WHAMM: variants seen among roughly 807,000 people sequenced by gnomAD.
WHAMM encodes WASP homolog associated with actin, golgi membranes and microtubules.
Under a neutral mutation model 76.5 loss-of-function variants are expected in WHAMM, and 67 were observed. That is an observed-to-expected ratio of 0.88 (90% confidence interval 0.72 to 1.07). The LOEUF (loss-of-function observed/expected upper bound fraction) is 1.07. WHAMM is among the 50% of genes least tolerant of loss of function. The probability of loss-of-function intolerance (pLI) is 0.00; values close to 1 mark genes in which losing one functional copy is unlikely to be tolerated. For synonymous variants in WHAMM, 419 were observed against 422.1 expected (o/e 0.99, Z 0.09); for missense variants, 1,021 against 1,051.1 (o/e 0.97, Z 0.40).
At position 82,815,365 on chromosome 15, in the gene WHAMM, A is replaced by G. The variant is rs185235418; in HGVS notation, c.784-1327A>G. ...ATATGTGGTCCTTTCACTCAGCACA[A>G]TGTTTTCAAGGCTAATCCACGTTGG... is the stretch of plus-strand genomic sequence containing the variant. On this transcript the variant is annotated intron_variant, in intron 2 of 9. Transcript: ENST00000286760. Among the ~76,000 whole-genome samples, 593 of 151,954 alleles carry G rather than the reference A, an allele frequency of 3.9e-3. 4 individuals are homozygous for G. The highest frequency in any genetic ancestry group is 6.0e-3 in the Non-Finnish European group (405 of 67,972).
intron 2 of WHAMM, among the ~76,000 whole-genome samples, chr15:82,813,861 T>C (rs2050675455): frequency 6.6e-6 from 1 of 151,920 alleles, no homozygotes; most frequent in Admixed American, 6.6e-5. Flanking sequence ...GGTTTCACCA[T>C]GTTGGCCAGG....
chr15:82,824,174 T>C, intron 6 of WHAMM, among the ~76,000 whole-genome samples: 1 of 148,190 alleles, frequency 6.7e-6, no homozygotes, highest in Non-Finnish European at 1.5e-5. Flanking sequence ...TTTTTTTTTT[T>C]TGAAACAGAG....
intron 9 of WHAMM, among the ~76,000 whole-genome samples, chr15:82,831,869 T>C (rs895812247): frequency 6.6e-6 from 1 of 152,256 alleles, no homozygotes; most frequent in Non-Finnish European, 1.5e-5. Flanking sequence ...CACCTCCACC[T>C]AAACTGTGCA....
intron 2 of WHAMM, among the ~76,000 whole-genome samples, chr15:82,813,554 A>T (rs2050666632): frequency 6.6e-6 from 1 of 152,020 alleles, no homozygotes; most frequent in Admixed American, 6.6e-5. Context: ...TTATATTTAA[A>T]ATTGATAGAA....
At chr15:82,829,045 G>C (rs1282967237) in intron 8 of WHAMM, among the ~76,000 whole-genome samples, 1 of 152,144 alleles carries the variant, frequency 6.6e-6, no homozygotes, top group African/African-American at 2.4e-5. Flanking sequence ...AGTAGGAGAG[G>C]GAGAAAACTA....
intron 9 of WHAMM, among the ~76,000 whole-genome samples, chr15:82,832,759 C>T (rs12905388): frequency 0.35 from 53,142 of 152,052 alleles, 9,495 homozygotes; most frequent in Non-Finnish European, 0.39. Context: ...CTGACTAATA[C>T]CCAAGACTGA....
At chr15:82,827,747 C>A (rs1008504416) in intron 8 of WHAMM, among the ~76,000 whole-genome samples, 4 of 152,120 alleles carry the variant, frequency 2.6e-5, no homozygotes, top group African/African-American at 7.2e-5. Flanking sequence ...GAGTTTGAGA[C>A]CAGGCTGGGC....
intron 8 of WHAMM, among the ~76,000 whole-genome samples, chr15:82,827,537 AG>A (rs1304138871): frequency 6.6e-6 from 1 of 152,156 alleles, no homozygotes; most frequent in Admixed American, 6.5e-5. Context: ...CATATTTATG[AG>A]GTATAGTGTG....
intron 3 of WHAMM, among the ~76,000 whole-genome samples, chr15:82,817,647 T>C (rs1323119119): frequency 1.3e-5 from 2 of 152,132 alleles, no homozygotes; most frequent in Admixed American, 6.5e-5. Flanking sequence ...TAGCTAGACA[T>C]AGAAACAATA....
At position 82,810,237 on chromosome 15, in the gene WHAMM, C is replaced by G; in HGVS notation, c.511C>G (p.Pro171Ala). ...GGATVRDALF[P>A]AEGGAADCES... ...CGCCACAGTGCGCGACGCACTCTTC[C>G]CGGCTGAGGGCGGCGCGGCCGACTG... The change falls in exon 1 of 10, where the codon CCG (proline) becomes GCG (alanine). Residue 171 changes from proline (P) to alanine (A), a missense_variant. Physicochemically the swap from Pro to Ala is conservative, Grantham distance 27. Around this residue, in one of 3 missense-constraint regions of WHAMM, gnomAD observed 501 missense variants for 524.9 expected, o/e 0.95. Coordinates refer to ENST00000286760, the MANE Select transcript of WHAMM (RefSeq NM_001080435.3). 5.7e-6 allele frequency: 8 copies of G among 1,407,774 alleles called. No homozygotes were observed. The highest frequency in any genetic ancestry group is 7.4e-6 in the Non-Finnish European group (8 of 1,081,314). The allele number at this position is 1,407,774 out of a possible 1,614,324, so 87.2% of individuals were successfully genotyped here.
chr15:82,809,956 GCTGGGCCGGC>G lies in WHAMM; in HGVS notation c.234_243del (p.Trp78CysfsTer135). On this transcript the variant is annotated frameshift_variant, in exon 1 of 10. Coordinates refer to ENST00000286760, the MANE Select transcript of WHAMM (RefSeq NM_001080435.3). LOFTEE classifies it high-confidence loss of function. Reference sequence around the variant, plus strand: ...CCTGAGGCCGCCGTCTCCCCGTCCAGCTGGGCCGGCCTGCTCTCGGCCGCGGGGCTCCGCG... The same window carrying G: ...CCTGAGGCCGCCGTCTCCCCGTCCAGCTGCTCTCGGCCGCGGGGCTCCGCG... 14 of 1,382,890 alleles carry G rather than the reference GCTGGGCCGGC, an allele frequency of 1.0e-5. No individual in the cohort carries two copies. The highest frequency in any genetic ancestry group is 1.3e-5 in the Non-Finnish European group (14 of 1,064,812). The allele number at this position is 1,382,890 out of a possible 1,614,324, so 85.7% of individuals were successfully genotyped here. A position where few individuals can be genotyped will look rare whatever the true frequency, so the allele number is the denominator to read the frequency against.
rs1308093910 is a variant in WHAMM, at chr15:82,833,477, G to A, written c.2371G>A (p.Val791Met). Reference sequence around the variant, plus strand: ...GGCTGCGCTCCAGAGAATCAAGAGGGTGTCTGCTGACTCTGAGGAGGACAG... The same window carrying A: ...GGCTGCGCTCCAGAGAATCAAGAGGATGTCTGCTGACTCTGAGGAGGACAG... The part of the protein sequence containing the change: ...IKAALQRIKR[V>M]SADSEEDSDE... Residue 791 changes from valine to methionine, a missense_variant, in exon 10 of 10, where the codon GTG becomes ATG. Around this residue, in one of 3 missense-constraint regions of WHAMM, gnomAD observed 509 missense variants for 492.3 expected, o/e 1.03. Coordinates refer to ENST00000286760, the MANE Select transcript of WHAMM (RefSeq NM_001080435.3). The A allele has an allele frequency of 1.2e-6, 2 of 1,614,000 alleles. No homozygotes were observed. The highest frequency in any genetic ancestry group is 1.7e-6 in the Non-Finnish European group (2 of 1,179,898).
At chr15:82,833,188 G>A in intron 9 of WHAMM, 41 bp from the exon 10 acceptor site, 1 of 1,578,340 alleles carries the variant, frequency 6.3e-7, no homozygotes, top group Non-Finnish European at 8.6e-7. Flanking sequence ...GGAAGGGAAA[G>A]TGTTTTATTG....
intron 6 of WHAMM, among the ~76,000 whole-genome samples, chr15:82,823,795 A>G (rs1354877876): frequency 2.0e-5 from 3 of 152,116 alleles, no homozygotes; most frequent in Non-Finnish European, 4.4e-5. Context: ...TGAACTCCTG[A>G]CCTCAAGTGA....
rs971877683 is a variant in WHAMM, at chr15:82,810,586, A to G, written c.609+251A>G. The G allele has an allele frequency of 6.1e-6, 6 of 985,364 alleles. No homozygotes were observed. In the African/African-American group the frequency reaches 1.0e-4, roughly 17 times the overall value. 61.0% of individuals were successfully genotyped at this position (985,364 alleles called of 1,614,324 possible). A position where few individuals can be genotyped will look rare whatever the true frequency, so the allele number is the denominator to read the frequency against. ...TGTACTTGCAGCTGGGAGCTGGGCT[A>G]GGCCCCCAACTTTTGCCCTGAAGAT... On this transcript the variant is annotated intron_variant, in intron 1 of 9. Coordinates refer to ENST00000286760, the MANE Select transcript of WHAMM (RefSeq NM_001080435.3).
intron 5 of WHAMM, among the ~76,000 whole-genome samples, chr15:82,822,411 A>G (rs1242263552): frequency 1.3e-5 from 2 of 152,178 alleles, no homozygotes. Context: ...AGAGAATACT[A>G]TGCTGCCATT....
chr15:82,824,238 A>G (rs2050891821), intron 6 of WHAMM, among the ~76,000 whole-genome samples: 1 of 145,022 alleles, frequency 6.9e-6, no homozygotes, highest in Non-Finnish European at 1.5e-5. Context: ...GCTCACTGCA[A>G]CCTCCACCTC....
In WHAMM at chr15:82,809,689, G is replaced by C; in HGVS notation, c.-38G>C. On this transcript the variant is annotated 5_prime_UTR_variant, in exon 1 of 10. Coordinates refer to ENST00000286760, the MANE Select transcript of WHAMM (RefSeq NM_001080435.3). ...CAGGCGGTGCGAGGAGGCCAGGCCCGCGCCCGCCGAGCCCTAGGGCCGCTG... is the reference window on the plus strand; with the variant it reads ...CAGGCGGTGCGAGGAGGCCAGGCCCCCGCCCGCCGAGCCCTAGGGCCGCTG... 1 of 1,343,838 alleles carries C rather than the reference G, an allele frequency of 7.4e-7. No individual in the cohort carries two copies. Among genetic ancestry groups the C allele is most frequent in the Non-Finnish European group, 9.6e-7 (1 of 1,038,578 alleles). 83.2% of individuals were successfully genotyped at this position (1,343,838 alleles called of 1,614,324 possible). A position where few individuals can be genotyped will look rare whatever the true frequency, so the allele number is the denominator to read the frequency against.
intron 2 of WHAMM, among the ~76,000 whole-genome samples, chr15:82,815,115 A>ATG (rs1318633366): frequency 9.3e-5 from 1 of 10,784 alleles, no homozygotes; most frequent in Non-Finnish European, 1.6e-4. Flanking sequence ...CAGATTTTAT[A>ATG]TATATATATA....
Sources: gnomAD v4.1 joint callset for allele counts (sites outside exome capture counted in the v4.1 genomes callset) on GRCh38, gnomAD v4.1.1 for gene constraint, gnomAD v4.1.1 regional missense constraint, MANE v1.5 for transcripts, NCBI Gene and HGNC (gene_info 2026-07-23, HGNC 2026-07-21) for gene names.